Variants in TTC7A observed in about 807,000 individuals in gnomAD.
TTC7A encodes the protein tetratricopeptide repeat protein 7A.
In TTC7A, 110 loss-of-function variants were observed where a neutral mutation model predicts 103.7. The observed-to-expected ratio is 1.06, with a 90% CI of 0.91 to 1.24. The LOEUF is 1.24. Among genes scored for constraint, TTC7A ranks in the 50% most tolerant of loss-of-function variants. The pLI is 0.00. For synonymous variants in TTC7A, 521 were observed against 467.9 expected (o/e 1.11, Z -1.47); for missense variants, 1,340 against 1,116.3 (o/e 1.20, Z -2.86).
intron 2 of TTC7A, among the ~76,000 whole-genome samples, chr2:46,927,947 A>G (rs566682897): frequency 8.4e-6 from 1 of 118,900 alleles, no homozygotes; most frequent in East Asian, 2.6e-4. Context: ...AGGCTGGAGT[A>G]TAGTGGCACG....
At chr2:46,976,815 C>G (rs35597921) in intron 4 of TTC7A, among the ~76,000 whole-genome samples, 1 of 152,124 alleles carries the variant, frequency 6.6e-6, no homozygotes, top group African/African-American at 2.4e-5. Context: ...GGCAAAGTCA[C>G]CCCCCTGCTG....
chr2:46,977,399 T>C lies in TTC7A; in HGVS notation c.649-1393T>C, dbSNP rs148824761. Among the ~76,000 whole-genome samples, 366 of 152,308 alleles carry C rather than the reference T, an allele frequency of 2.4e-3. 4 individuals are homozygous for C. Among genetic ancestry groups the C allele is most frequent in the Non-Finnish European group, 1.5e-3 (102 of 68,028 alleles). On this transcript the variant is annotated intron_variant, in intron 4 of 19. Transcript: ENST00000319190. ...AGGTGGATGCCTCATTGATTTTTTT[T>C]CCCCTCAGATTAGACAAAGGAAATG...
chr2:47,056,211 C>T lies in TTC7A; in HGVS notation c.2152+4331C>T, dbSNP rs114266596. Among the ~76,000 whole-genome samples the T allele has an allele frequency of 8.3e-3, 1,262 of 152,306 alleles. 21 individuals carry two copies. The highest frequency in any genetic ancestry group is 0.029 in the African/African-American group (1,206 of 41,552). The stretch of plus-strand genomic sequence containing the variant: ...ATCTTCACTCTCCTTCCTCCCTTGC[C>T]CTCTCCCCACCTTCCTTCTTTTTCT... On this transcript the variant is annotated intron_variant, in intron 18 of 19. Coordinates refer to ENST00000319190, the MANE Select transcript of TTC7A (RefSeq NM_020458.4).
intron 5 of TTC7A, among the ~76,000 whole-genome samples, chr2:46,989,931 T>G (rs1457219544): frequency 1.3e-5 from 2 of 152,034 alleles, no homozygotes; most frequent in African/African-American, 4.8e-5. Context: ...GTTGATGATG[T>G]AAAGGCTAAA....
At chr2:47,027,663 C>T (rs886896172) in intron 14 of TTC7A, among the ~76,000 whole-genome samples, 4 of 152,228 alleles carry the variant, frequency 2.6e-5, no homozygotes, top group Admixed American at 1.3e-4. Flanking sequence ...CTTGCCAAAA[C>T]GAGCAGGATC....
chr2:46,980,968 G>A (rs1002738706), intron 5 of TTC7A, among the ~76,000 whole-genome samples: 2 of 152,158 alleles, frequency 1.3e-5, no homozygotes, highest in Non-Finnish European at 1.5e-5. Context: ...CATGCGGAGC[G>A]TCCAGGGCCC....
chr2:47,002,068 A>G (rs1676878617), intron 8 of TTC7A, among the ~76,000 whole-genome samples: 1 of 152,048 alleles, frequency 6.6e-6, no homozygotes, highest in Non-Finnish European at 1.5e-5. Flanking sequence ...GTGTATGGGG[A>G]CTAGCGTTGT....
chr2:46,941,627 TGCCGGA>T lies in TTC7A; in HGVS notation c.89_94del (p.Pro30_Glu31del), dbSNP rs1216215194. 6.4e-7 allele frequency: 1 copy of T among 1,555,182 alleles called. No homozygotes were observed. The highest frequency in any genetic ancestry group is 8.7e-7 in the Non-Finnish European group (1 of 1,149,902). On this transcript the variant is annotated inframe_deletion, in exon 1 of 20. Coordinates refer to ENST00000319190, the MANE Select transcript of TTC7A (RefSeq NM_020458.4). The surrounding 1 kb of genome is among the most constrained non-coding windows in gnomAD (Gnocchi z 4.2). The stretch of plus-strand genomic sequence containing the variant: ...CGCGCCGAGGGCCACTGGGACCGCA[TGCCGGA>T]GCTGGTCCGGCAGCTGCAGACGCTG...
chr2:46,941,795 G>C lies in TTC7A; in HGVS notation c.184+70G>C. On this transcript the variant is annotated intron_variant, in intron 1 of 19. Coordinates refer to ENST00000319190, the MANE Select transcript of TTC7A (RefSeq NM_020458.4). This position sits in a 1 kb window ranked among gnomAD's most constrained non-coding sequence, Gnocchi z 4.2. ...ACGCACCGCCTCCTCCAGGAAGCGC[G>C]CCCAGACAGTCCTCGGCCGACAGCG... 6.5e-7 allele frequency: 1 copy of C among 1,533,156 alleles called. No homozygotes were observed. Among genetic ancestry groups the C allele is most frequent in the Admixed American group, 2.0e-5 (1 of 50,664 alleles). The allele number at this position is 1,533,156 out of a possible 1,614,324, so 95.0% of individuals were successfully genotyped here. A position where few individuals can be genotyped will look rare whatever the true frequency, so the allele number is the denominator to read the frequency against.
At chr2:47,065,910 C>G (rs1684143881) in intron 19 of TTC7A, 1 of 152,246 alleles carries the variant, frequency 6.6e-6, no homozygotes, top group Non-Finnish European at 1.5e-5. Flanking sequence ...GGGGCAGACT[C>G]TGGAGAGGAG....
At position 47,075,775 on chromosome 2, in the gene TTC7A, GCTGGGCTAAAGC is replaced by G. The variant is rs560214097; in HGVS notation, c.*1857_*1868del. The G allele has an allele frequency of 2.5e-3, 383 of 152,662 alleles. No individual in the cohort carries two copies. The highest frequency in any genetic ancestry group is 4.2e-3 in the Non-Finnish European group (288 of 68,292). The allele number at this position is 152,662 out of a possible 1,614,324, so 9.5% of individuals were successfully genotyped here. On this transcript the variant is annotated 3_prime_UTR_variant, in exon 20 of 20. Coordinates refer to ENST00000319190, the MANE Select transcript of TTC7A (RefSeq NM_020458.4). ...TTGAGCTGGTGAGAGTGTTGCTAAG[GCTGGGCTAAAGC>G]CTGGAGAGGGTAGGAGGAGGCAAGA...
At chr2:47,052,890 G>A (rs552994280) in intron 18 of TTC7A, among the ~76,000 whole-genome samples, 1 of 152,186 alleles carries the variant, frequency 6.6e-6, no homozygotes, top group Non-Finnish European at 1.5e-5. Flanking sequence ...TGTCCCCAGG[G>A]GGGGAGTTGG....
At chr2:46,926,019 G>C (rs943693632) in intron 2 of TTC7A, among the ~76,000 whole-genome samples, 3 of 152,146 alleles carry the variant, frequency 2.0e-5, no homozygotes, top group Admixed American at 6.5e-5. Context: ...GGTAATATCT[G>C]CTCATTCTCA....
chr2:47,056,571 C>T (rs1683336016), intron 18 of TTC7A, among the ~76,000 whole-genome samples: 1 of 152,212 alleles, frequency 6.6e-6, no homozygotes, highest in African/African-American at 2.4e-5. Context: ...GGTGGGAGAG[C>T]CTCGGCTTTG....
rs751395843 is a variant in TTC7A, at chr2:46,989,799, CGTGTGT to C, written c.765-3639_765-3634del. ...ATGTGCAGTCCTGATTCTTTAATTGCGTGTGTGTGTGTGTGTGCATCTGTGTGTGTG... is the reference window on the plus strand; with the variant it reads ...ATGTGCAGTCCTGATTCTTTAATTGCGTGTGTGTGTGCATCTGTGTGTGTG... On this transcript the variant is annotated intron_variant, in intron 5 of 19. Transcript: ENST00000319190. 2.1e-4 allele frequency among the ~76,000 whole-genome samples: 30 copies of C among 144,224 alleles called. No individual in the cohort carries two copies. The East Asian group carries it at 2.7e-3, about 13-fold the overall frequency. 94.6% of individuals were successfully genotyped at this position (144,224 alleles called of 152,430 possible).
intron 19 of TTC7A, among the ~76,000 whole-genome samples, chr2:47,066,516 A>G (rs1684193487): frequency 6.6e-6 from 1 of 152,138 alleles, no homozygotes; most frequent in African/African-American, 2.4e-5. Context: ...CTGGCCACAC[A>G]GAGCTTCACC....
At chr2:47,023,915 G>A (rs943296752) in intron 13 of TTC7A, among the ~76,000 whole-genome samples, 2 of 120,396 alleles carry the variant, frequency 1.7e-5, no homozygotes, top group African/African-American at 6.3e-5. Flanking sequence ...CCTGGCATAT[G>A]CTCAGAGCAG....
intron 15 of TTC7A, among the ~76,000 whole-genome samples, chr2:47,034,860 C>T (rs1680938166): frequency 2.0e-5 from 3 of 152,266 alleles, no homozygotes; most frequent in South Asian, 2.1e-4. Flanking sequence ...CCCCGGAGAC[C>T]CTCCCCAGTA....
intron 15 of TTC7A, among the ~76,000 whole-genome samples, chr2:47,030,548 G>A (rs909001550): frequency 2.6e-5 from 4 of 152,238 alleles, no homozygotes; most frequent in Non-Finnish European, 5.9e-5. Flanking sequence ...GGGAGTGGCA[G>A]TGTTTCCTAA....
Sources: allele counts gnomAD v4.1 joint callset (sites outside exome capture counted in the v4.1 genomes callset), GRCh38; gene constraint gnomAD v4.1.1; non-coding constraint Gnocchi (gnomAD v3.1); transcripts MANE v1.5; gene names NCBI Gene and HGNC (gene_info 2026-07-23, HGNC 2026-07-21).